The following SGCD variants were observed in gnomAD, a reference collection of about 807,000 sequenced individuals.
SGCD encodes sarcoglycan delta.
A neutral mutation model predicts 36.6 loss-of-function variants in SGCD; 18 were observed. That is an observed-to-expected ratio of 0.49 (90% confidence interval 0.34 to 0.73). The LOEUF is 0.73. Ranked by LOEUF, SGCD falls within the 30% of genes least tolerant of loss-of-function variation. SGCD has a pLI of 0.01. For missense variants in SGCD, 387 were observed against 346.7 expected (o/e 1.12, Z -0.92); for synonymous variants, 133 against 130.6 (o/e 1.02, Z -0.12).
At chr5:156,549,736 C>T (rs1223965395) in intron 4 of SGCD, among the ~76,000 whole-genome samples, 1 of 152,202 alleles carries the variant, frequency 6.6e-6, no homozygotes, top group Non-Finnish European at 1.5e-5. Flanking sequence ...GCATTCTATG[C>T]CATTGCCTAA....
intron 2 of SGCD, among the ~76,000 whole-genome samples, chr5:156,337,422 C>A (rs999092282): frequency 2.6e-5 from 4 of 152,144 alleles, no homozygotes; most frequent in African/African-American, 4.8e-5. Context: ...TTTCTCTACT[C>A]GTTAGAACCT....
chr5:156,094,047 A>G (rs1011834796), intron 1 of SGCD, among the ~76,000 whole-genome samples: 1 of 152,068 alleles, frequency 6.6e-6, no homozygotes, highest in Admixed American at 6.5e-5. Flanking sequence ...GGTCCTGGAG[A>G]GGGAGACCAT....
intron 7 of SGCD, among the ~76,000 whole-genome samples, chr5:156,756,195 G>C (rs548142658): frequency 3.7e-4 from 56 of 152,286 alleles, no homozygotes; most frequent in African/African-American, 1.2e-3. Flanking sequence ...CCGTTCCTAC[G>C]TTAGGATACT....
intron 3 of SGCD, among the ~76,000 whole-genome samples, chr5:156,288,200 C>T (rs1426421954): frequency 6.6e-6 from 1 of 152,064 alleles, no homozygotes; most frequent in Non-Finnish European, 1.5e-5. Context: ...AGCTTTGCTG[C>T]CACTGAATTC....
At chr5:156,315,975 C>A (rs1767507652) in intron 3 of SGCD, among the ~76,000 whole-genome samples, 1 of 151,474 alleles carries the variant, frequency 6.6e-6, no homozygotes, top group Non-Finnish European at 1.5e-5. Context: ...CTAGCCAGAG[C>A]AATTAAGGAA....
chr5:156,723,510 T>C lies in SGCD; in HGVS notation c.576-34071T>C, dbSNP rs1755615449. On this transcript the variant is annotated intron_variant, in intron 7 of 8. Transcript: ENST00000337851. ...TATTCTAGTGAGGAGAATAAATGAA[T>C]CCAGCAATACCGTAAATATATGCAA... is the stretch of plus-strand genomic sequence containing the variant. Among the ~76,000 whole-genome samples the C allele has an allele frequency of 2.0e-5, 3 of 152,320 alleles. No individual in the cohort carries two copies. In the South Asian group the frequency reaches 6.2e-4, roughly 32 times the overall value.
At chr5:156,106,173 T>C (rs1483646457) in intron 1 of SGCD, among the ~76,000 whole-genome samples, 1 of 144,514 alleles carries the variant, frequency 6.9e-6, no homozygotes, top group Non-Finnish European at 1.5e-5. Flanking sequence ...TTGGTAATTA[T>C]GCGCAGTGAT....
At chr5:156,321,905 C>G (rs74418250), upstream of SGCD, among the ~76,000 whole-genome samples, 20,872 of 152,186 alleles carry the variant, frequency 0.14, 1,897 homozygotes, top group Middle Eastern at 0.23. Flanking sequence ...TCTCTCCCCC[C>G]ATCCTCTTTT....
In SGCD at chr5:156,344,583, G is replaced by A. The variant is rs1488623227; in HGVS notation, c.98G>A (p.Arg33Gln). The A allele has an allele frequency of 9.9e-6, 16 of 1,612,088 alleles. No individual in the cohort carries two copies. In the East Asian group the frequency reaches 1.3e-4, roughly 13 times the overall value. ...GTGGGGATTTATGGCTGGCGGAAAC[G>A]ATGCCTGTATTTCTTTGTCCTGCTC... ...YKVGIYGWRK[R>Q]CLYFFVLLLM... The change falls in exon 3 of 9, where the codon CGA becomes CAA. Residue 33 changes from arginine (R) to glutamine (Q), a missense_variant. Coordinates refer to ENST00000337851, the MANE Select transcript of SGCD (RefSeq NM_000337.6).
intron 3 of SGCD, among the ~76,000 whole-genome samples, chr5:156,184,015 A>G (rs568321293): frequency 2.6e-5 from 4 of 152,356 alleles, no homozygotes; most frequent in Admixed American, 6.5e-5. Flanking sequence ...AATGTATTTA[A>G]TATTCCTAAC....
chr5:155,741,846 C>A, the SGCD span, among the ~76,000 whole-genome samples: 1 of 152,148 alleles, frequency 6.6e-6, no homozygotes, highest in East Asian at 1.9e-4. Flanking sequence ...ATGTGTGCCA[C>A]AACACCCAGC....
At chr5:156,440,216 CAT>C (rs1753424200) in intron 3 of SGCD, among the ~76,000 whole-genome samples, 1 of 152,102 alleles carries the variant, frequency 6.6e-6, no homozygotes, top group Non-Finnish European at 1.5e-5. Flanking sequence ...ATCAATATGT[CAT>C]ATAGATGAAA....
chr5:155,804,097 T>G, the SGCD span, among the ~76,000 whole-genome samples: 4 of 152,182 alleles, frequency 2.6e-5, no homozygotes, highest in Non-Finnish European at 5.9e-5. Flanking sequence ...GAGGCAGGAT[T>G]GGAGTTGGAC....
chr5:156,645,352 A>T (rs996896458), intron 6 of SGCD, among the ~76,000 whole-genome samples: 2 of 152,124 alleles, frequency 1.3e-5, no homozygotes, highest in African/African-American at 4.8e-5. Context: ...ATGTTTGTCT[A>T]CTCTGGAGCT....
In SGCD at chr5:156,028,513, A is replaced by G. The variant is rs1050196650; in HGVS notation, c.-281-89365A>G. ...TAATTTTTAGCTCAGTGTTGTGATG[A>G]TGATGAAATTAGCTATCTTAATGCT... On this transcript the variant is annotated intron_variant, in intron 1 of 9. Transcript: ENST00000517913. Among the ~76,000 whole-genome samples, 10 of 152,162 alleles carry G rather than the reference A, an allele frequency of 6.6e-5. No individual in the cohort carries two copies. In the East Asian group the frequency reaches 1.7e-3, roughly 26 times the overall value.
chr5:156,613,068 C>T (rs761507937), intron 6 of SGCD, among the ~76,000 whole-genome samples: 1 of 152,192 alleles, frequency 6.6e-6, no homozygotes, highest in African/African-American at 2.4e-5. Flanking sequence ...AGGTACGGTG[C>T]TTTGCTCCTC....
At chr5:156,048,635 G>T (rs1342346022) in intron 1 of SGCD, among the ~76,000 whole-genome samples, 1 of 152,168 alleles carries the variant, frequency 6.6e-6, no homozygotes, top group African/African-American at 2.4e-5. Flanking sequence ...TTTGAGAAGT[G>T]TCTGTTCATA....
chr5:156,497,617 C>T lies in SGCD; in HGVS notation c.193-10984C>T, dbSNP rs533553585. ...GCTCTCTAGCTCTCTCACTTGTGCG[C>T]GTGCTTTCTCTCTCTCTCTCTCTCT... On this transcript the variant is annotated intron_variant, in intron 3 of 8. Transcript: ENST00000337851. Among the ~76,000 whole-genome samples, 144 of 146,748 alleles carry T rather than the reference C, an allele frequency of 9.8e-4. 3 individuals are homozygous for T. In the South Asian group the frequency reaches 0.029, roughly 29 times the overall value.
chr5:156,384,830 C>G (rs1484822523), intron 3 of SGCD, among the ~76,000 whole-genome samples: 1 of 152,146 alleles, frequency 6.6e-6, no homozygotes, highest in Admixed American at 6.5e-5. Context: ...GGTTGTCACT[C>G]CAGGCCTTGG....
Sources: allele counts gnomAD v4.1 joint callset (sites outside exome capture counted in the v4.1 genomes callset), GRCh38; gene constraint gnomAD v4.1.1; transcripts MANE v1.5; gene names NCBI Gene and HGNC (gene_info 2026-07-23, HGNC 2026-07-21).